Variants in NCKAP1 observed in about 807,000 individuals in gnomAD.
NCKAP1 encodes nck-associated protein 1.
A neutral mutation model predicts 151.2 loss-of-function variants in NCKAP1; 21 were observed. That is an observed-to-expected ratio of 0.14 (90% CI 0.10 to 0.20). The LOEUF (loss-of-function observed/expected upper bound fraction) is 0.20, where lower values mean the gene tolerates loss of function less well. Among genes scored for constraint, NCKAP1 ranks in the 10% least tolerant of loss-of-function variants. The pLI is 1.00. For missense variants in NCKAP1, 933 were observed against 1,352.1 expected, an observed-to-expected ratio of 0.69 and a Z score of 4.86; for synonymous variants, 484 against 451.8, an observed-to-expected ratio of 1.07 and a Z score of -0.90.
chr2:182,984,451 T>TGTGTGTGTGTGTGTGTGTGTG (rs1188952902), intron 10 of NCKAP1, among the ~76,000 whole-genome samples: 34 of 144,300 alleles, frequency 2.4e-4, no homozygotes, highest in Non-Finnish European at 3.7e-4. Flanking sequence ...TGTGTGTGTG[T>TGTGTGTGTGTGTGTGTGTGTG]TGCCTATGCC....
rs765026117 is a variant in NCKAP1, at chr2:182,981,286, G to A, written c.1299C>T (p.Tyr433=). ...GGACAACAGCATCAAAGCCAGAAAGGTACTGCACGTAATACCTCTGCATTA... is the reference window on the plus strand; with the variant it reads ...GGACAACAGCATCAAAGCCAGAAAGATACTGCACGTAATACCTCTGCATTA... ...GPVMQRYYVQ[Y]LSGFDAVVLN... The change falls in exon 13 of 31, where the codon TAC becomes TAT. Residue 433 remains tyrosine, a synonymous_variant. Coordinates refer to ENST00000361354, the MANE Select transcript of NCKAP1 (RefSeq NM_013436.5). 3.4e-5 allele frequency: 55 copies of A among 1,613,576 alleles called. No homozygotes were observed. The highest frequency in any genetic ancestry group is 3.3e-4 in the Middle Eastern group (2 of 6,082).
At chr2:182,984,423 G>GTGTGTGTGTGTGTGTGTGTGTGTGT (rs1553515251) in intron 10 of NCKAP1, among the ~76,000 whole-genome samples, 9 of 144,280 alleles carry the variant, frequency 6.2e-5, no homozygotes, top group Non-Finnish European at 1.2e-4. Flanking sequence ...TTTAGATTGG[G>GTGTGTGTGTGTGTGTGTGTGTGTGT]GTGTGTGTGT....
Position 182,995,781 on chromosome 2 carries a change from C to G in NCKAP1, c.661G>C (p.Ala221Pro), listed in dbSNP as rs1698256801. ...QMVYPRRNLS[A>P]DQWRNAQLLS... ...AACTGGGCATTTCTCCACTGGTCAG[C>G]TGAAAGATTCCTTCGAGGATATACC... The change falls in exon 7 of 31, where the codon GCT becomes CCT. Residue 221 changes from alanine (A) to proline (P), a missense_variant. Ala to Pro is a conservative substitution (Grantham distance 27). Coordinates refer to ENST00000361354, the MANE Select transcript of NCKAP1 (RefSeq NM_013436.5). 6.2e-7 allele frequency: 1 copy of G among 1,612,956 alleles called. No individual in the cohort carries two copies. The highest frequency in any genetic ancestry group is 1.3e-5 in the African/African-American group (1 of 74,874).
intron 24 of NCKAP1, among the ~76,000 whole-genome samples, chr2:182,939,889 T>C (rs1415632504): frequency 6.6e-6 from 1 of 152,220 alleles, no homozygotes; most frequent in Non-Finnish European, 1.5e-5. Context: ...ATATGGGTCA[T>C]TAACATTCAA....
At chr2:182,941,960 G>T in intron 24 of NCKAP1, 110 bp downstream of exon 24, 1 of 796,414 alleles carries the variant, frequency 1.3e-6, no homozygotes. Context: ...AAGCTAAAGA[G>T]TACTTTTCAT....
chr2:182,997,127 C>T (rs551719701), intron 6 of NCKAP1, among the ~76,000 whole-genome samples: 1 of 152,162 alleles, frequency 6.6e-6, no homozygotes, highest in South Asian at 2.1e-4. Flanking sequence ...TTATTTGCAT[C>T]TTCTCTCTCT....
At position 182,928,829 on chromosome 2, in the gene NCKAP1, T is replaced by C. The variant is rs1328087564; in HGVS notation, c.3024A>G (p.Pro1008=). The part of the protein sequence containing the change: ...LLMVFVAVSL[P]TLASNVMSQY... The stretch of plus-strand genomic sequence containing the variant: ...GAGACATCACATTACTGGCCAGTGT[T>C]GGCAAAGAAACTGCCACAAACACCA... The change falls in exon 28 of 31, where the codon CCA becomes CCG. Residue 1008 remains proline (P), a synonymous_variant. Coordinates refer to ENST00000361354, the MANE Select transcript of NCKAP1 (RefSeq NM_013436.5). 1.2e-6 allele frequency: 2 copies of C among 1,612,450 alleles called. No individual in the cohort carries two copies. The highest frequency in any genetic ancestry group is 1.3e-5 in the African/African-American group (1 of 74,852).
At chr2:182,957,647 C>G in intron 18 of NCKAP1, 51 bp from the exon 19 acceptor site, 1 of 1,563,240 alleles carries the variant, frequency 6.4e-7, no homozygotes, top group Non-Finnish European at 8.7e-7. Flanking sequence ...ACTCTGAAAG[C>G]ATACTAACTA....
rs1338269650 is a variant in NCKAP1 at position 182,921,028 on chromosome 2, G to A, written c.*4674C>T. On this transcript the variant is annotated 3_prime_UTR_variant, in exon 31 of 31. Transcript: ENST00000361354. The stretch of plus-strand genomic sequence containing the variant: ...GCTTCAGTGAAATTATATCACCACT[G>A]ACCACAAAATCTTCAAATCCCAGAG... 6.6e-6 allele frequency: 1 copy of A among 152,102 alleles called. No homozygotes were observed. The highest frequency in any genetic ancestry group is 1.5e-5 in the Non-Finnish European group (1 of 68,020). 9.4% of individuals were successfully genotyped at this position (152,102 alleles called of 1,614,324 possible).
At position 182,956,596 on chromosome 2, in the gene NCKAP1, GA is replaced by G. The variant is rs1419678011; in HGVS notation, c.2022-4del. 3.8e-6 allele frequency: 6 copies of G among 1,591,052 alleles called. No individual in the cohort carries two copies. The highest frequency in any genetic ancestry group is 3.6e-5 in the Admixed American group (2 of 55,198). On this transcript the variant is annotated splice_region_variant and splice_polypyrimidine_tract_variant and intron_variant, in intron 19 of 30. Transcript: ENST00000361354. The stretch of plus-strand genomic sequence containing the variant: ...GTGCAGTGTGCAATTTATCAAGGCT[GA>G]AAAAAATTAATAAACAGTTAAAATG...
At chr2:182,936,386 G>A (rs1301986053) in intron 24 of NCKAP1, among the ~76,000 whole-genome samples, 2 of 152,288 alleles carry the variant, frequency 1.3e-5, no homozygotes, top group East Asian at 1.9e-4. Context: ...TGTAGTAAAA[G>A]AAGAAATATA....
At chr2:182,977,417 G>A (rs1458679792) in intron 14 of NCKAP1, among the ~76,000 whole-genome samples, 1 of 152,138 alleles carries the variant, frequency 6.6e-6, no homozygotes, top group East Asian at 1.9e-4. Context: ...TTGAACCTGG[G>A]AGGCAGAGGT....
chr2:182,985,722 G>C (rs554722122), intron 10 of NCKAP1, among the ~76,000 whole-genome samples: 1 of 150,866 alleles, frequency 6.6e-6, no homozygotes, highest in African/African-American at 2.4e-5. Flanking sequence ...AGAATTGCTT[G>C]AACCCGGGAG....
At chr2:182,957,665 A>G in intron 18 of NCKAP1, 69 bp from the exon 19 acceptor site, 4 of 1,485,562 alleles carry the variant, frequency 2.7e-6, no homozygotes, top group South Asian at 1.3e-5. Context: ...CTATTCAAGC[A>G]AACAGTAGCT....
Position 182,923,723 on chromosome 2 carries a change from T to C in NCKAP1, c.*1979A>G, listed in dbSNP as rs1051180988. On this transcript the variant is annotated 3_prime_UTR_variant, in exon 31 of 31. Coordinates refer to ENST00000361354, the MANE Select transcript of NCKAP1 (RefSeq NM_013436.5). ...AGAAAACAACAAAAATAGTATGTTGTTGTGTAAGTTTAGAAGAAAATAAAA... is the reference window on the plus strand; with the variant it reads ...AGAAAACAACAAAAATAGTATGTTGCTGTGTAAGTTTAGAAGAAAATAAAA... 1 of 152,230 alleles carries C rather than the reference T, an allele frequency of 6.6e-6. No individual in the cohort carries two copies. 9.4% of individuals were successfully genotyped at this position (152,230 alleles called of 1,614,324 possible). A position where few individuals can be genotyped will look rare whatever the true frequency, so the allele number is the denominator to read the frequency against.
In NCKAP1 at chr2:182,917,225, C is replaced by T. The variant is rs1165041682; in HGVS notation, c.*8477G>A. 1 of 152,180 alleles carries T rather than the reference C, an allele frequency of 6.6e-6. No individual in the cohort carries two copies. Among genetic ancestry groups the T allele is most frequent in the Non-Finnish European group, 1.5e-5 (1 of 68,024 alleles). 9.4% of individuals were successfully genotyped at this position (152,180 alleles called of 1,614,324 possible). On this transcript the variant is annotated 3_prime_UTR_variant, in exon 31 of 31. Transcript: ENST00000361354. ...AGTTAAGTAATTTGTCCATAAGTGACAGAGCTGGGATTCAAACCCCAGATT... is the reference window on the plus strand; with the variant it reads ...AGTTAAGTAATTTGTCCATAAGTGATAGAGCTGGGATTCAAACCCCAGATT...
intron 26 of NCKAP1, among the ~76,000 whole-genome samples, chr2:182,934,017 A>ATAAAAT (rs1255588992): frequency 6.6e-6 from 1 of 152,176 alleles, no homozygotes; most frequent in Non-Finnish European, 1.5e-5. Flanking sequence ...ATATAATAGA[A>ATAAAAT]TACTAAAAAT....
Position 183,038,313 on chromosome 2 carries a change from C to A in NCKAP1, c.-214G>T. On this transcript the variant is annotated 5_prime_UTR_variant, in exon 1 of 31. Transcript: ENST00000361354. The stretch of plus-strand genomic sequence containing the variant: ...CCCCTTCTCCCGCAGCAGCCCGCGC[C>A]CCGGCAGCCTCCTGCCTTCCGCCCG... 1 of 350,910 alleles carries A rather than the reference C, an allele frequency of 2.8e-6. No individual in the cohort carries two copies. The highest frequency in any genetic ancestry group is 7.9e-4 in the Middle Eastern group (1 of 1,268). The allele number at this position is 350,910 out of a possible 1,614,324, so 21.7% of individuals were successfully genotyped here. A position where few individuals can be genotyped will look rare whatever the true frequency, so the allele number is the denominator to read the frequency against.
At chr2:182,955,250 T>A (rs754294415) in intron 20 of NCKAP1, among the ~76,000 whole-genome samples, 2 of 152,188 alleles carry the variant, frequency 1.3e-5, no homozygotes, top group Non-Finnish European at 2.9e-5. Context: ...TTACCTAGAG[T>A]ACTTAACACA....
Sources: allele counts gnomAD v4.1 joint callset (sites outside exome capture counted in the v4.1 genomes callset), GRCh38; gene constraint gnomAD v4.1.1; transcripts MANE v1.5; gene names NCBI Gene and HGNC (gene_info 2026-07-23, HGNC 2026-07-21).